The following CNTN5 variants were observed in gnomAD, a reference collection of about 807,000 sequenced individuals.
CNTN5 encodes contactin 5, also known as contactin-5.
A neutral mutation model predicts 129.1 loss-of-function variants in CNTN5; 77 were observed. The ratio of observed to expected loss-of-function variants is 0.60; its 90% CI spans 0.50 to 0.72. The LOEUF (loss-of-function observed/expected upper bound fraction) is 0.72. Among genes scored for constraint, CNTN5 ranks in the 30% least tolerant of loss-of-function variants. The pLI is 0.00. For missense variants in CNTN5, 1,478 were observed against 1,328.8 expected (o/e 1.11, Z -1.75); for synonymous variants, 509 against 465.6 (o/e 1.09, Z -1.20).
intron 1 of CNTN5, among the ~76,000 whole-genome samples, chr11:99,280,660 T>G (rs1863654214): frequency 6.6e-6 from 1 of 151,754 alleles, no homozygotes. Context: ...TTTTATACAG[T>G]ATACAGTATT....
At chr11:100,227,165 A>T (rs1949394141) in intron 16 of CNTN5, among the ~76,000 whole-genome samples, 1 of 152,126 alleles carries the variant, frequency 6.6e-6, no homozygotes, top group Non-Finnish European at 1.5e-5. Flanking sequence ...GATGGCAAGG[A>T]TTATGTTCTT....
intron 13 of CNTN5, among the ~76,000 whole-genome samples, chr11:100,141,120 T>C (rs909725165): frequency 1.3e-5 from 2 of 152,146 alleles, no homozygotes; most frequent in African/African-American, 2.4e-5. Flanking sequence ...TTCATTTCCA[T>C]AGGGCACGTG....
chr11:100,016,122 C>A (rs1940808219), intron 9 of CNTN5, among the ~76,000 whole-genome samples: 1 of 152,022 alleles, frequency 6.6e-6, no homozygotes, highest in Non-Finnish European at 1.5e-5. Context: ...TATTTATGTT[C>A]TCACCAAATA....
chr11:99,409,104 T>G (rs915031657), intron 2 of CNTN5, among the ~76,000 whole-genome samples: 2 of 152,188 alleles, frequency 1.3e-5, no homozygotes, highest in African/African-American at 4.8e-5. Context: ...GTTGAAATAA[T>G]GTAGTTGATA....
At chr11:99,616,219 C>A (rs1472282916) in intron 3 of CNTN5, among the ~76,000 whole-genome samples, 1 of 152,130 alleles carries the variant, frequency 6.6e-6, no homozygotes, top group East Asian at 1.9e-4. Flanking sequence ...CTCTACTTCC[C>A]CTAACATTTG....
intron 13 of CNTN5, among the ~76,000 whole-genome samples, chr11:100,110,453 C>T (rs1325216341): frequency 4.0e-5 from 6 of 151,536 alleles, no homozygotes; most frequent in Non-Finnish European, 8.8e-5. Context: ...CATGGTTAAG[C>T]AATTTTCTGA....
At chr11:99,149,642 A>G (rs538145296) in intron 1 of CNTN5, among the ~76,000 whole-genome samples, 1 of 152,266 alleles carries the variant, frequency 6.6e-6, no homozygotes, top group East Asian at 1.9e-4. Context: ...TGACTTCTTG[A>G]TCTCCTTAAA....
intron 7 of CNTN5, among the ~76,000 whole-genome samples, chr11:99,942,624 G>T (rs1017351226): frequency 6.6e-6 from 1 of 151,914 alleles, no homozygotes; most frequent in Middle Eastern, 3.2e-3. Flanking sequence ...CCATAATCTA[G>T]GTTTTAAGCC....
intron 9 of CNTN5, among the ~76,000 whole-genome samples, chr11:100,034,397 C>T (rs1022621011): frequency 6.6e-6 from 1 of 152,168 alleles, no homozygotes; most frequent in East Asian, 1.9e-4. Flanking sequence ...AGTATCAAGT[C>T]TTGTTAGTTC....
chr11:99,693,215 G>A (rs1283910386), intron 3 of CNTN5, among the ~76,000 whole-genome samples: 1 of 152,020 alleles, frequency 6.6e-6, no homozygotes, highest in East Asian at 1.9e-4. Context: ...TGTGTGCACA[G>A]CACAGAAAAT....
At chr11:100,081,722 A>T (rs1021537281) in intron 13 of CNTN5, among the ~76,000 whole-genome samples, 4 of 152,202 alleles carry the variant, frequency 2.6e-5, no homozygotes, top group Non-Finnish European at 4.4e-5. Context: ...CAAAAGAAGG[A>T]CTATATACCG....
intron 6 of CNTN5, among the ~76,000 whole-genome samples, chr11:99,915,415 A>G (rs1281563252): frequency 1.3e-5 from 2 of 152,186 alleles, no homozygotes; most frequent in Non-Finnish European, 2.9e-5. Flanking sequence ...CCTTTTACAT[A>G]GAAGTGAATA....
chr11:99,720,499 A>G (rs1591529497), intron 3 of CNTN5, among the ~76,000 whole-genome samples: 1 of 152,124 alleles, frequency 6.6e-6, no homozygotes, highest in Non-Finnish European at 1.5e-5. Flanking sequence ...AGGTATTGAA[A>G]GAACGTAACT....
At chr11:99,339,611 C>G (rs1866415406) in intron 2 of CNTN5, among the ~76,000 whole-genome samples, 1 of 151,856 alleles carries the variant, frequency 6.6e-6, no homozygotes, top group Non-Finnish European at 1.5e-5. Context: ...AACCCCGTCT[C>G]TACTAAAAAA....
chr11:99,959,121 A>G (rs1228161404), intron 8 of CNTN5, among the ~76,000 whole-genome samples: 1 of 152,018 alleles, frequency 6.6e-6, no homozygotes, highest in Non-Finnish European at 1.5e-5. Flanking sequence ...GTTTGGCAAA[A>G]CCCCAACTCC....
intron 1 of CNTN5, among the ~76,000 whole-genome samples, chr11:99,160,965 A>G (rs761172614): frequency 2.6e-5 from 4 of 152,228 alleles, no homozygotes; most frequent in Non-Finnish European, 5.9e-5. Flanking sequence ...ATACTGGGAA[A>G]CAAGTTTACC....
intron 4 of CNTN5, among the ~76,000 whole-genome samples, chr11:99,832,628 A>AT (rs1412986801): frequency 1.3e-5 from 2 of 152,160 alleles, no homozygotes; most frequent in Admixed American, 6.6e-5. Flanking sequence ...GATTTGGACA[A>AT]TTTTTTTAAG....
At chr11:99,283,876 T>A (rs1190172527) in intron 1 of CNTN5, among the ~76,000 whole-genome samples, 1 of 152,166 alleles carries the variant, frequency 6.6e-6, no homozygotes, top group African/African-American at 2.4e-5. Context: ...AAGGGTTAAC[T>A]GATACCATTG....
intron 2 of CNTN5, among the ~76,000 whole-genome samples, chr11:99,542,305 T>C (rs2135498892): frequency 6.6e-6 from 1 of 152,264 alleles, no homozygotes; most frequent in East Asian, 1.9e-4. Flanking sequence ...GTAACCAACC[T>C]CTTCCCATGC....
Sources: allele counts gnomAD v4.1 joint callset (sites outside exome capture counted in the v4.1 genomes callset), GRCh38; gene constraint gnomAD v4.1.1; transcripts MANE v1.5; gene names NCBI Gene and HGNC (gene_info 2026-07-23, HGNC 2026-07-21).